The following CDH23 variants were observed in gnomAD, a reference collection of about 807,000 sequenced individuals.
The protein encoded by CDH23 is cadherin related 23, also known as cadherin-23.
Under a neutral mutation model 317.1 loss-of-function variants are expected in CDH23, and 189 were observed. That is an observed-to-expected ratio of 0.60 (90% CI 0.53 to 0.67). The LOEUF (loss-of-function observed/expected upper bound fraction) is 0.67, where lower values mean the gene tolerates loss of function less well. Ranked by LOEUF, CDH23 falls within the 30% of genes least tolerant of loss-of-function variation. The pLI is 0.00. For synonymous variants in CDH23, 1,839 were observed against 1,876.8 expected, an observed-to-expected ratio of 0.98 and a Z score of 0.52; for missense variants, 4,401 against 4,592.4, an observed-to-expected ratio of 0.96 and a Z score of 1.20.
intron 22 of CDH23, among the ~76,000 whole-genome samples, chr10:71,699,409 T>G (rs1865505994): frequency 6.6e-6 from 1 of 152,240 alleles, no homozygotes; most frequent in East Asian, 1.9e-4. Context: ...TTTCAGAGCT[T>G]GCATGCAGAC....
In CDH23 at chr10:71,690,477, T is replaced by C; in HGVS notation, c.2069T>C (p.Val690Ala). 6.2e-7 allele frequency: 1 copy of C among 1,603,814 alleles called. No individual in the cohort carries two copies. ...VVENIMAGAT[V>A]LFLNATDLDR... is the part of the protein sequence containing the mutation. The stretch of plus-strand genomic sequence containing the variant: ...CTTTTTCCCCCTGAAGGAGCCACGG[T>C]GCTGTTCCTGAATGCCACAGACCTG... Residue 690 changes from valine to alanine, a missense_variant, in exon 20 of 70, where the codon GTG becomes GCG. By Grantham distance (64) the Val-to-Ala change is moderately conservative (BLOSUM62 0). Around this residue, in one of 3 missense-constraint regions of CDH23, gnomAD observed 3,068 missense variants for 3,203.3 expected, o/e 0.96. Coordinates refer to ENST00000224721, the MANE Select transcript of CDH23 (RefSeq NM_022124.6).
At chr10:71,584,158 A>T (rs1858865268) in intron 9 of CDH23, among the ~76,000 whole-genome samples, 1 of 151,954 alleles carries the variant, frequency 6.6e-6, no homozygotes, top group Non-Finnish European at 1.5e-5. Context: ...GGAAGATCTT[A>T]CTCTTTTAAT....
At position 71,732,196 on chromosome 10, in the gene CDH23, G is replaced by C. The variant is rs111033468; in HGVS notation, c.3925G>C (p.Glu1309Gln). ...CATCACTCTGCTCAACGAGCTGGAC[G>C]AGGCCGTGCAGTTCTCCAATGCCTC... ...VYITLLNELD[E>Q]AVQFSNASYE... is the part of the protein sequence containing the mutation. Residue 1309 changes from glutamate to glutamine, a missense_variant, in exon 32 of 70, where the codon GAG becomes CAG. By Grantham distance (29) the Glu-to-Gln change is conservative (BLOSUM62 2). Coordinates refer to ENST00000224721, the MANE Select transcript of CDH23 (RefSeq NM_022124.6). The C allele has an allele frequency of 1.9e-6, 3 of 1,613,886 alleles. No homozygotes were observed. The highest frequency in any genetic ancestry group is 2.5e-6 in the Non-Finnish European group (3 of 1,179,810).
chr10:71,570,989 A>G, intron 8 of CDH23, 71 bp downstream of exon 8: 2 of 1,566,960 alleles, frequency 1.3e-6, no homozygotes, highest in South Asian at 1.1e-5. Context: ...CCTGTTAGGG[A>G]TGGGCCCTGT....
chr10:71,786,328 A>G (rs956667153), intron 44 of CDH23, among the ~76,000 whole-genome samples: 1 of 152,122 alleles, frequency 6.6e-6, no homozygotes, highest in Non-Finnish European at 1.5e-5. Context: ...CTTCAGGCCC[A>G]GTTCATCTCA....
At chr10:71,698,099 G>A (rs767315691) in intron 22 of CDH23, among the ~76,000 whole-genome samples, 4 of 152,162 alleles carry the variant, frequency 2.6e-5, no homozygotes, top group African/African-American at 4.8e-5. Context: ...AGGACAAATT[G>A]GAGGTTAGAT....
intron 9 of CDH23, among the ~76,000 whole-genome samples, chr10:71,607,215 G>C (rs945475858): frequency 1.3e-5 from 2 of 152,226 alleles, no homozygotes; most frequent in African/African-American, 4.8e-5. Context: ...CCTGCCCCAG[G>C]GGCGGGGGCT....
chr10:71,610,781 G>A (rs1363162544), intron 9 of CDH23, among the ~76,000 whole-genome samples: 2 of 147,724 alleles, frequency 1.4e-5, no homozygotes, highest in African/African-American at 5.1e-5. Flanking sequence ...ATCTGAAAAG[G>A]TCTTGATTCC....
Position 71,482,376 on chromosome 10 carries a change from TCCCC to T in CDH23, c.146-27705_146-27702del, listed in dbSNP as rs536368045. 3.1e-3 allele frequency among the ~76,000 whole-genome samples: 470 copies of T among 152,248 alleles called. 4 individuals are homozygous for T. Among genetic ancestry groups the T allele is most frequent in the African/African-American group, 0.011 (444 of 41,542 alleles). On this transcript the variant is annotated intron_variant, in intron 3 of 69. Coordinates refer to ENST00000224721, the MANE Select transcript of CDH23 (RefSeq NM_022124.6). The stretch of plus-strand genomic sequence containing the variant: ...CCAGAATCCCTTGCAGGTCTACCCC[TCCCC>T]ACCTACCTGGACCCCTGCCCCAACA...
chr10:71,718,846 C>A (rs1431898045), intron 28 of CDH23, among the ~76,000 whole-genome samples: 1 of 151,826 alleles, frequency 6.6e-6, no homozygotes, highest in African/African-American at 2.4e-5. Flanking sequence ...GCAGGAGGAT[C>A]ACTTGAGCCC....
At chr10:71,707,129 G>T in intron 26 of CDH23, 80 bp downstream of exon 26, 5 of 1,553,642 alleles carry the variant, frequency 3.2e-6, no homozygotes, top group Non-Finnish European at 4.4e-6. Flanking sequence ...AGCCAGACTA[G>T]GTGGGGGCAG....
chr10:71,679,453 G>C lies in CDH23; in HGVS notation c.1819G>C (p.Gly607Arg). The part of the protein sequence containing the change: ...TYSIVSASAF[G>R]SYFDISLYEG... The stretch of plus-strand genomic sequence containing the variant: ...CAGCATTGTCAGTGCATCTGCCTTT[G>C]GCAGCTACTTCGACATCAGCCTGTA... Residue 607 changes from glycine (G) to arginine (R), a missense_variant, in exon 17 of 70, where the codon GGC becomes CGC. Transcript: ENST00000224721. 6.2e-7 allele frequency: 1 copy of C among 1,613,370 alleles called. No homozygotes were observed. Among genetic ancestry groups the C allele is most frequent in the Non-Finnish European group, 8.5e-7 (1 of 1,179,638 alleles).
intron 1 of CDH23, among the ~76,000 whole-genome samples, chr10:71,406,444 C>T (rs1848102465): frequency 6.6e-6 from 1 of 152,158 alleles, no homozygotes; most frequent in Non-Finnish European, 1.5e-5. Flanking sequence ...CTGCACTTCT[C>T]CTGTGATATA....
intron 1 of CDH23, among the ~76,000 whole-genome samples, chr10:71,407,073 C>T (rs546313831): frequency 4.5e-4 from 69 of 152,328 alleles, no homozygotes; most frequent in Non-Finnish European, 6.3e-4. Flanking sequence ...AGAGAGGTTA[C>T]GCAATTTGCC....
At chr10:71,463,544 C>T (rs563038220) in intron 3 of CDH23, among the ~76,000 whole-genome samples, 1 of 152,302 alleles carries the variant, frequency 6.6e-6, no homozygotes, top group Admixed American at 6.5e-5. Flanking sequence ...CCCCACAGCG[C>T]TGGGAGAGGG....
intron 22 of CDH23, among the ~76,000 whole-genome samples, chr10:71,697,383 A>T (rs1286651710): frequency 6.6e-6 from 1 of 152,198 alleles, no homozygotes; most frequent in Non-Finnish European, 1.5e-5. Flanking sequence ...AGGAAGCAAC[A>T]CCAGGCCAGG....
chr10:71,733,552 A>T (rs1364357727), intron 32 of CDH23, among the ~76,000 whole-genome samples: 1 of 152,192 alleles, frequency 6.6e-6, no homozygotes, highest in Non-Finnish European at 1.5e-5. Context: ...AGGAAATGCC[A>T]GGGGATTAAG....
At chr10:71,607,255 G>C (rs1368686326) in intron 9 of CDH23, among the ~76,000 whole-genome samples, 1 of 152,212 alleles carries the variant, frequency 6.6e-6, no homozygotes, top group Non-Finnish European at 1.5e-5. Flanking sequence ...TGCTTAATGG[G>C]CTACACCTGG....
intron 3 of CDH23, among the ~76,000 whole-genome samples, chr10:71,463,683 G>T (rs1185323484): frequency 2.1e-4 from 32 of 152,204 alleles, no homozygotes; most frequent in Admixed American, 2.0e-3. Flanking sequence ...GCATCAGTGG[G>T]TGTGAAGTTC....
Sources: allele counts gnomAD v4.1 joint callset (sites outside exome capture counted in the v4.1 genomes callset), GRCh38; gene constraint gnomAD v4.1.1; regional missense constraint gnomAD v4.1.1; transcripts MANE v1.5; gene names NCBI Gene and HGNC (gene_info 2026-07-23, HGNC 2026-07-21).